SUCLG2: variants seen among roughly 807,000 people sequenced by gnomAD.
SUCLG2 encodes succinate-CoA ligase GDP-forming subunit beta, also known as succinate--CoA ligase [GDP-forming] subunit beta, mitochondrial.
A neutral mutation model predicts 47.9 loss-of-function variants in SUCLG2; 42 were observed. The ratio of observed to expected loss-of-function variants is 0.88; its 90% CI spans 0.69 to 1.14. SUCLG2 has a LOEUF of 1.14. SUCLG2 is among the 50% of genes most tolerant of loss of function. The pLI is 0.00. For synonymous variants in SUCLG2, 195 were observed against 197.3 expected, an observed-to-expected ratio of 0.99 and a Z score of 0.10; for missense variants, 571 against 525.9, an observed-to-expected ratio of 1.09 and a Z score of -0.84.
intron 9 of SUCLG2, among the ~76,000 whole-genome samples, chr3:67,443,985 C>T (rs1240809295): frequency 2.0e-4 from 25 of 122,578 alleles, no homozygotes; most frequent in Middle Eastern, 3.8e-3. Flanking sequence ...CCCCGCCCGG[C>T]CAGCCGCCCC....
intron 10 of SUCLG2, among the ~76,000 whole-genome samples, chr3:67,381,840 G>A (rs1212739066): frequency 2.0e-5 from 3 of 152,106 alleles, no homozygotes; most frequent in Admixed American, 2.0e-4. Flanking sequence ...GACCTCCTTG[G>A]CATGTTACCA....
At chr3:67,438,251 A>G (rs957120536) in intron 9 of SUCLG2, among the ~76,000 whole-genome samples, 13 of 152,250 alleles carry the variant, frequency 8.5e-5, no homozygotes, top group African/African-American at 2.4e-4. Flanking sequence ...AGAAATTTAT[A>G]GTACTAAATG....
rs572398960 is a variant in SUCLG2 at position 67,525,022 on chromosome 3, A to C, written c.417+3110T>G. Among the ~76,000 whole-genome samples, 12 of 152,376 alleles carry C rather than the reference A, an allele frequency of 7.9e-5. 1 individual carries two copies. In the South Asian group the frequency reaches 2.5e-3, roughly 32 times the overall value. ...GTTGGACACTGAAATTAAGAATCCA[A>C]TGCCACTTGTAATTGCTTTAAAAGA... On this transcript the variant is annotated intron_variant, in intron 4 of 10. Coordinates refer to ENST00000307227, the MANE Select transcript of SUCLG2 (RefSeq NM_003848.4).
At position 67,599,887 on chromosome 3, in the gene SUCLG2, C is replaced by T. The variant is rs1300026035; in HGVS notation, c.226+9568G>A. Among the ~76,000 whole-genome samples the T allele has an allele frequency of 2.0e-5, 3 of 152,182 alleles. No homozygotes were observed. In the South Asian group the frequency reaches 6.2e-4, roughly 32 times the overall value. ...CTAAGGTAGATCAAGTAACACAACT[C>T]TTTTAAACCTTCTCAATTCATTTCC... On this transcript the variant is annotated intron_variant, in intron 2 of 10. Coordinates refer to ENST00000307227, the MANE Select transcript of SUCLG2 (RefSeq NM_003848.4).
At chr3:67,387,767 T>C (rs529193737) in intron 10 of SUCLG2, among the ~76,000 whole-genome samples, 4 of 152,320 alleles carry the variant, frequency 2.6e-5, no homozygotes, top group African/African-American at 4.8e-5. Context: ...AAGAAGAAGA[T>C]TTGACATTTC....
rs529853927 is a variant in SUCLG2, at chr3:67,499,336, T to C, written c.758-1041A>G. On this transcript the variant is annotated intron_variant, in intron 7 of 10. Transcript: ENST00000307227. ...GCCTTGGTTTTTTAATTGGAAAAAA[T>C]GGCAATAACAATCCTTAAAACAAGG... 5.9e-5 allele frequency among the ~76,000 whole-genome samples: 9 copies of C among 152,116 alleles called. No homozygotes were observed. In the East Asian group the frequency reaches 1.6e-3, roughly 26 times the overall value.
intron 7 of SUCLG2, among the ~76,000 whole-genome samples, chr3:67,506,388 A>C (rs916834564): frequency 2.0e-5 from 3 of 152,220 alleles, no homozygotes; most frequent in Non-Finnish European, 4.4e-5. Context: ...ACAATGAACA[A>C]ATTAATAACT....
chr3:67,556,026 G>T (rs1048915332), intron 2 of SUCLG2, among the ~76,000 whole-genome samples: 6 of 152,182 alleles, frequency 3.9e-5, no homozygotes. Context: ...CCTGATTCTG[G>T]CCATGTGGAG....
intron 9 of SUCLG2, among the ~76,000 whole-genome samples, chr3:67,436,175 C>G (rs1213104023): frequency 6.6e-6 from 1 of 152,106 alleles, no homozygotes; most frequent in Admixed American, 6.5e-5. Flanking sequence ...AAATAACCTG[C>G]TTTTTTCTAA....
Position 67,446,892 on chromosome 3 carries a change from A to G in SUCLG2, c.1063-46041T>C, listed in dbSNP as rs147848653. Among the ~76,000 whole-genome samples, 250 of 152,360 alleles carry G rather than the reference A, an allele frequency of 1.6e-3. 2 individuals are homozygous for G. The highest frequency in any genetic ancestry group is 5.7e-3 in the African/African-American group (238 of 41,580). ...GTGACATATTAAAAAAAGATTATCTATTAATTGCATACTTCCATTAATGTA... is the reference window on the plus strand; with the variant it reads ...GTGACATATTAAAAAAAGATTATCTGTTAATTGCATACTTCCATTAATGTA... On this transcript the variant is annotated intron_variant, in intron 9 of 10. Transcript: ENST00000307227.
chr3:67,398,811 C>G (rs543778310), intron 10 of SUCLG2, among the ~76,000 whole-genome samples: 1 of 152,130 alleles, frequency 6.6e-6, no homozygotes, highest in African/African-American at 2.4e-5. Context: ...GAAAATGTGG[C>G]TCATATACAC....
chr3:67,605,252 C>T (rs2363086), intron 2 of SUCLG2, among the ~76,000 whole-genome samples: 72,227 of 152,034 alleles, frequency 0.48, 17,855 homozygotes, highest in African/African-American at 0.6. Flanking sequence ...GCTAAAACTT[C>T]AATCGTGCTC....
chr3:67,471,688 T>C (rs1010759682), intron 9 of SUCLG2, among the ~76,000 whole-genome samples: 1 of 150,308 alleles, frequency 6.7e-6, no homozygotes, highest in Non-Finnish European at 1.5e-5. Context: ...ATTTGGCCAG[T>C]TTTAGGGGAG....
At chr3:67,654,441 G>A (rs1403375084) in intron 1 of SUCLG2, 62 bp downstream of exon 1, 2 of 1,194,388 alleles carry the variant, frequency 1.7e-6, no homozygotes, top group African/African-American at 3.1e-5. Context: ...AGCAGGGGGC[G>A]AGGGAAGCCC....
At chr3:67,420,299 T>C (rs182692507) in intron 9 of SUCLG2, among the ~76,000 whole-genome samples, 275 of 152,332 alleles carry the variant, frequency 1.8e-3, no homozygotes, top group African/African-American at 6.0e-3. Context: ...TGTACTGACC[T>C]GAAAATTGTT....
intron 1 of SUCLG2, among the ~76,000 whole-genome samples, chr3:67,650,292 T>C (rs761012742): frequency 6.6e-6 from 1 of 152,236 alleles, no homozygotes; most frequent in Non-Finnish European, 1.5e-5. Flanking sequence ...CATGCATTCA[T>C]CTTTCTCCTC....
chr3:67,476,886 T>C (rs1317773578), intron 9 of SUCLG2, among the ~76,000 whole-genome samples: 3 of 152,176 alleles, frequency 2.0e-5, no homozygotes, highest in Non-Finnish European at 1.5e-5. Flanking sequence ...GGCGTCTACA[T>C]GATTCCATAC....
At chr3:67,516,486 T>G (rs1404762488) in intron 6 of SUCLG2, among the ~76,000 whole-genome samples, 2 of 152,222 alleles carry the variant, frequency 1.3e-5, no homozygotes, top group African/African-American at 4.8e-5. Context: ...CTCCTGAGCT[T>G]TTAAATATGT....
At chr3:67,628,921 T>C (rs750491610) in intron 1 of SUCLG2, among the ~76,000 whole-genome samples, 1 of 152,180 alleles carries the variant, frequency 6.6e-6, no homozygotes, top group Non-Finnish European at 1.5e-5. Context: ...AGGAGAACGT[T>C]ATCAGTGAGC....
Sources: gnomAD v4.1 joint callset for allele counts (sites outside exome capture counted in the v4.1 genomes callset) on GRCh38, gnomAD v4.1.1 for gene constraint, MANE v1.5 for transcripts, NCBI Gene and HGNC (gene_info 2026-07-23, HGNC 2026-07-21) for gene names.